The following HERC3 variants were observed in gnomAD, a reference collection of about 807,000 sequenced individuals.
The protein encoded by HERC3 is HECT and RLD domain containing E3 ubiquitin protein ligase 3.
A neutral mutation model predicts 129.9 loss-of-function variants in HERC3; 58 were observed. That is an observed-to-expected ratio of 0.45 (90% CI 0.36 to 0.56). The LOEUF (loss-of-function observed/expected upper bound fraction) is 0.56, where lower values mean the gene tolerates loss of function less well. HERC3 is among the 20% of genes least tolerant of loss of function. HERC3 has a pLI of 0.00. For synonymous variants in HERC3, 430 were observed against 451.0 expected (o/e 0.95, Z 0.59); for missense variants, 835 against 1,244.2 (o/e 0.67, Z 4.95).
intron 7 of HERC3, 96 bp downstream of exon 7, chr4:88,654,229 G>A (rs1729598171): frequency 1.1e-5 from 9 of 809,912 alleles, no homozygotes; most frequent in Non-Finnish European, 1.8e-5. Context: ...TGTGATTACA[G>A]TATTGTGGCT....
chr4:88,691,138 G>A (rs1401370509), intron 23 of HERC3, among the ~76,000 whole-genome samples: 1 of 152,174 alleles, frequency 6.6e-6, no homozygotes, highest in East Asian at 1.9e-4. Flanking sequence ...GGAAAAATCT[G>A]AGTTGTCGTT....
upstream of HERC3, among the ~76,000 whole-genome samples, chr4:88,589,447 A>G (rs1721607727): frequency 6.6e-6 from 1 of 152,222 alleles, no homozygotes; most frequent in Admixed American, 6.5e-5. Flanking sequence ...GTTAGCAAGT[A>G]TATATTCCTT....
the HERC3 span, among the ~76,000 whole-genome samples, chr4:88,567,389 T>C: frequency 3.3e-5 from 5 of 152,198 alleles, no homozygotes; most frequent in Non-Finnish European, 5.9e-5. Flanking sequence ...CTGATCTTTC[T>C]ACCTCCTCTT....
At chr4:88,573,930 A>G in the HERC3 span, among the ~76,000 whole-genome samples, 1 of 152,232 alleles carries the variant, frequency 6.6e-6, no homozygotes, top group Non-Finnish European at 1.5e-5. Context: ...TTTTACTGTC[A>G]GAAATGGAAT....
chr4:88,601,900 CA>C (rs1723015688), intron 2 of HERC3, among the ~76,000 whole-genome samples: 1 of 120,198 alleles, frequency 8.3e-6, no homozygotes, highest in Non-Finnish European at 1.5e-5. Flanking sequence ...ACTAAAAATA[CA>C]AAAAATTAGC....
chr4:88,691,565 T>C (rs1734079753), intron 23 of HERC3, among the ~76,000 whole-genome samples: 1 of 152,182 alleles, frequency 6.6e-6, no homozygotes, highest in South Asian at 2.1e-4. Context: ...TCATGACTCT[T>C]ATAAGGACAC....
intron 9 of HERC3, chr4:88,657,452 C>G (rs1387221881): frequency 6.6e-6 from 1 of 152,156 alleles, no homozygotes; most frequent in Non-Finnish European, 1.5e-5. Flanking sequence ...GTGTCCTCTT[C>G]TCTGTAATTT....
upstream of HERC3, among the ~76,000 whole-genome samples, chr4:88,590,189 G>T (rs1399714368): frequency 6.6e-6 from 1 of 151,544 alleles, no homozygotes; most frequent in Non-Finnish European, 1.5e-5. Context: ...AATTGCTTGA[G>T]CCGGGGAGGT....
rs926582511 is a variant in HERC3 at position 88,656,331 on chromosome 4, A to T, written c.1069+296A>T. ...AGTTTTAATTGGCTCACAGTTCTGC[A>T]GGCTCTACAGGGAGCATGATGCAGC... On this transcript the variant is annotated intron_variant, in intron 9 of 25. Transcript: ENST00000402738. 1.2e-5 allele frequency: 4 copies of T among 340,578 alleles called. No individual in the cohort carries two copies. The Admixed American group carries it at 1.6e-4, about 14-fold the overall frequency. The allele number at this position is 340,578 out of a possible 1,614,324, so 21.1% of individuals were successfully genotyped here.
intron 2 of HERC3, among the ~76,000 whole-genome samples, chr4:88,601,358 G>A (rs1722939759): frequency 6.6e-6 from 1 of 152,162 alleles, no homozygotes; most frequent in Non-Finnish European, 1.5e-5. Context: ...GTCAAGAGAG[G>A]TTGAAAGTAC....
the HERC3 span, among the ~76,000 whole-genome samples, chr4:88,536,797 T>C: frequency 6.6e-6 from 1 of 152,090 alleles, no homozygotes; most frequent in African/African-American, 2.4e-5. Flanking sequence ...TCAAAACATA[T>C]AAACTCTTTC....
chr4:88,545,952 C>T, the HERC3 span, among the ~76,000 whole-genome samples: 5 of 151,936 alleles, frequency 3.3e-5, no homozygotes, highest in Non-Finnish European at 7.4e-5. Flanking sequence ...TGAATCTCAA[C>T]CAAATATTTA....
the HERC3 span, among the ~76,000 whole-genome samples, chr4:88,576,926 T>G: frequency 6.6e-6 from 1 of 152,216 alleles, no homozygotes; most frequent in Non-Finnish European, 1.5e-5. Flanking sequence ...CTTTTGTCGT[T>G]ATTTCTCAAA....
chr4:88,656,202 A>G (rs1729879225), intron 9 of HERC3, 167 bp downstream of exon 9: 2 of 652,444 alleles, frequency 3.1e-6, no homozygotes, highest in African/African-American at 3.7e-5. Flanking sequence ...GAAGCTGTAG[A>G]GTTGAGATCC....
intron 2 of HERC3, among the ~76,000 whole-genome samples, chr4:88,602,879 A>G (rs1723166613): frequency 6.6e-6 from 1 of 152,204 alleles, no homozygotes; most frequent in Admixed American, 6.5e-5. Context: ...TCCGAAGGGA[A>G]GAAGAATGTT....
intron 4 of HERC3, among the ~76,000 whole-genome samples, chr4:88,651,751 AT>A (rs569401282): frequency 6.6e-6 from 1 of 151,790 alleles, no homozygotes; most frequent in South Asian, 2.1e-4. Context: ...CGCCCGGCTG[AT>A]TTTTTTTGTA....
chr4:88,601,938 C>T (rs2149182495), intron 2 of HERC3, among the ~76,000 whole-genome samples: 1 of 119,008 alleles, frequency 8.4e-6, no homozygotes, highest in Middle Eastern at 4.4e-3. Flanking sequence ...CGCCTGTAGT[C>T]CCAGCTACTT....
intron 10 of HERC3, among the ~76,000 whole-genome samples, chr4:88,660,626 T>G (rs1730396411): frequency 6.6e-6 from 1 of 152,200 alleles, no homozygotes; most frequent in African/African-American, 2.4e-5. Flanking sequence ...CTTGGGAATT[T>G]AGTGAATGTA....
intron 3 of HERC3, among the ~76,000 whole-genome samples, chr4:88,639,841 A>G (rs2149254826): frequency 6.6e-6 from 1 of 152,318 alleles, no homozygotes; most frequent in East Asian, 1.9e-4. Context: ...CCATCTGACA[A>G]AGGTCTAATA....
Sources: allele counts gnomAD v4.1 joint callset (sites outside exome capture counted in the v4.1 genomes callset), GRCh38; gene constraint gnomAD v4.1.1; transcripts MANE v1.5; gene names NCBI Gene and HGNC (gene_info 2026-07-23, HGNC 2026-07-21).